SNX5: variants seen among roughly 807,000 people sequenced by gnomAD.
The protein encoded by SNX5 is sorting nexin-5.
SNX5 carries 31 observed loss-of-function variants against 53.9 expected under a neutral mutation model. That is an observed-to-expected ratio of 0.58 (90% CI 0.43 to 0.78). The LOEUF is 0.78. SNX5 is among the 30% of genes least tolerant of loss of function. The pLI is 0.00. For synonymous variants in SNX5, 168 were observed against 171.1 expected, an observed-to-expected ratio of 0.98 and a Z score of 0.14; for missense variants, 471 against 478.8, an observed-to-expected ratio of 0.98 and a Z score of 0.15.
intron 6 of SNX5, 134 bp from the exon 7 acceptor site, chr20:17,950,530 C>A (rs764306871): frequency 5.1e-6 from 3 of 590,792 alleles, no homozygotes; most frequent in Non-Finnish European, 8.9e-6. Context: ...CTCTACAGAT[C>A]AGGGAATTAC....
Position 17,942,290 on chromosome 20 carries a change from T to A in SNX5, c.*67A>T, listed in dbSNP as rs575555700. The A allele has an allele frequency of 9.2e-6, 9 of 976,338 alleles. No homozygotes were observed. The East Asian group carries it at 1.9e-4, about 21-fold the overall frequency. The allele number at this position is 976,338 out of a possible 1,614,324, so 60.5% of individuals were successfully genotyped here. A position where few individuals can be genotyped will look rare whatever the true frequency, so the allele number is the denominator to read the frequency against. ...GAAGCTAATATATCTTCCGTGGTAA[T>A]GATTTAAGTGCAAGTGATGCTTGGC... On this transcript the variant is annotated 3_prime_UTR_variant, in exon 13 of 13. Coordinates refer to ENST00000377759, the MANE Select transcript of SNX5 (RefSeq NM_014426.4).
At chr20:17,961,322 G>A in intron 1 of SNX5, 1 of 985,384 alleles carries the variant, frequency 1.0e-6, no homozygotes, top group South Asian at 4.7e-5. Flanking sequence ...AGGGCACCTG[G>A]ATGACTGAAC....
intron 11 of SNX5, 56 bp from the exon 12 acceptor site, chr20:17,943,251 C>A: frequency 1.8e-6 from 2 of 1,104,866 alleles, no homozygotes; most frequent in South Asian, 2.5e-5. Flanking sequence ...TTTTCATGTT[C>A]ACTTTAACTA....
intron 1 of SNX5, among the ~76,000 whole-genome samples, chr20:17,958,216 T>C (rs1442917929): frequency 3.3e-5 from 5 of 152,172 alleles, no homozygotes; most frequent in African/African-American, 1.2e-4. Flanking sequence ...AAAGTTGTCA[T>C]AACACTGGAT....
At chr20:17,953,970 A>C in intron 4 of SNX5, 26 bp downstream of exon 4, 1 of 1,587,668 alleles carries the variant, frequency 6.3e-7, no homozygotes, top group Non-Finnish European at 8.6e-7. Flanking sequence ...CTCAAAAGAC[A>C]GAGCCCACCA....
At chr20:17,968,154 CT>C (rs2035591014) in intron 1 of SNX5, 1 of 403,920 alleles carries the variant, frequency 2.5e-6, no homozygotes, top group Non-Finnish European at 4.3e-6. Flanking sequence ...GGTCCCGCGT[CT>C]CTGGTTCTGT....
At chr20:17,948,419 T>G (rs2039515601) in intron 10 of SNX5, among the ~76,000 whole-genome samples, 1 of 152,264 alleles carries the variant, frequency 6.6e-6, no homozygotes, top group African/African-American at 2.4e-5. Context: ...CATTTCAGCC[T>G]TAGAGGGCAT....
intron 1 of SNX5, chr20:17,961,067 CT>C (rs1329262961): frequency 6.8e-5 from 62 of 905,464 alleles, no homozygotes; most frequent in Non-Finnish European, 8.1e-5. Flanking sequence ...AATCGCAGTG[CT>C]TTTGGTAAGA....
intron 1 of SNX5, among the ~76,000 whole-genome samples, chr20:17,958,271 T>C (rs952049824): frequency 3.3e-5 from 5 of 152,206 alleles, no homozygotes; most frequent in African/African-American, 1.2e-4. Flanking sequence ...ATTAAGAAGA[T>C]GAGGTATTTC....
At chr20:17,955,298 G>A (rs1431830911) in intron 3 of SNX5, 67 bp downstream of exon 3, 3 of 1,108,490 alleles carry the variant, frequency 2.7e-6, no homozygotes, top group South Asian at 1.4e-5. Flanking sequence ...GTGGATATAA[G>A]TCTCTTTTAA....
intron 1 of SNX5, 74 bp from the exon 2 acceptor site, chr20:17,957,111 CT>C: frequency 2.2e-6 from 2 of 890,944 alleles, no homozygotes; most frequent in African/African-American, 3.3e-5. Flanking sequence ...TGAGTAGTTA[CT>C]AAAAAGCAGT....
chr20:17,952,229 G>T (rs2039580595), intron 5 of SNX5, among the ~76,000 whole-genome samples: 1 of 151,798 alleles, frequency 6.6e-6, no homozygotes, highest in Non-Finnish European at 1.5e-5. Context: ...CCTCAAAAAA[G>T]AAAAGAAAAA....
intron 1 of SNX5, among the ~76,000 whole-genome samples, chr20:17,967,497 C>T (rs2035566019): frequency 6.6e-6 from 1 of 152,184 alleles, no homozygotes; most frequent in South Asian, 2.1e-4. Context: ...GTGCCTTTAA[C>T]TTCTCAAGAA....
At chr20:17,961,038 A>AT (rs2035439818) in intron 1 of SNX5, 8 of 669,786 alleles carry the variant, frequency 1.2e-5, no homozygotes, top group Non-Finnish European at 1.5e-5. Flanking sequence ...TGGAAAGCAC[A>AT]TTTTCAACTG....
At chr20:17,947,942 G>C (rs922983741) in intron 10 of SNX5, among the ~76,000 whole-genome samples, 2 of 152,216 alleles carry the variant, frequency 1.3e-5, no homozygotes, top group Admixed American at 6.5e-5. Flanking sequence ...TAAATATTGT[G>C]TATCAGAGAT....
chr20:17,958,588 A>G (rs2035401892), intron 1 of SNX5, among the ~76,000 whole-genome samples: 1 of 152,226 alleles, frequency 6.6e-6, no homozygotes, highest in Non-Finnish European at 1.5e-5. Flanking sequence ...GATACTTTTG[A>G]GTCCTCACAT....
intron 1 of SNX5, among the ~76,000 whole-genome samples, chr20:17,964,411 C>T (rs933305432): frequency 3.9e-5 from 6 of 152,168 alleles, no homozygotes; most frequent in Non-Finnish European, 7.3e-5. Context: ...CAAGGACCCC[C>T]ATTTTTAAAC....
intron 3 of SNX5, among the ~76,000 whole-genome samples, chr20:17,954,710 G>A (rs2035324363): frequency 6.6e-6 from 1 of 152,054 alleles, no homozygotes; most frequent in Admixed American, 6.6e-5. Context: ...GCCTCCTTGA[G>A]CACTTTTTTT....
chr20:17,964,235 C>G (rs1340824576), intron 1 of SNX5, among the ~76,000 whole-genome samples: 1 of 152,176 alleles, frequency 6.6e-6, no homozygotes, highest in African/African-American at 2.4e-5. Flanking sequence ...AAAACCCTGA[C>G]AAGGGAGCCA....
Sources: gnomAD v4.1 joint callset for allele counts (sites outside exome capture counted in the v4.1 genomes callset) on GRCh38, gnomAD v4.1.1 for gene constraint, MANE v1.5 for transcripts, NCBI Gene and HGNC (gene_info 2026-07-23, HGNC 2026-07-21) for gene names.